Variants in DLGAP2 observed in about 807,000 individuals in gnomAD.
DLGAP2 encodes the protein disks large-associated protein 2.
DLGAP2 carries 26 observed loss-of-function variants against 100.3 expected under a neutral mutation model. That is an observed-to-expected ratio of 0.26 (90% CI 0.19 to 0.36). DLGAP2 has a LOEUF of 0.36. DLGAP2 is among the 10% of genes least tolerant of loss of function. The probability of loss-of-function intolerance (pLI) is 1.00; values close to 1 mark genes in which losing one functional copy is unlikely to be tolerated. For synonymous variants in DLGAP2, 886 were observed against 630.1 expected (o/e 1.41, Z -6.08); for missense variants, 1,858 against 1,453.2 (o/e 1.28, Z -4.53).
intron 1 of DLGAP2, among the ~76,000 whole-genome samples, chr8:861,313 A>G (rs1198187265): frequency 6.6e-6 from 1 of 152,174 alleles, no homozygotes; most frequent in Non-Finnish European, 1.5e-5. Flanking sequence ...CCCTTTTTAT[A>G]TAAGGGACTT....
intron 3 of DLGAP2, among the ~76,000 whole-genome samples, chr8:1,460,100 G>T (rs528925178): frequency 1.8e-4 from 28 of 152,332 alleles, no homozygotes; most frequent in African/African-American, 6.5e-4. Flanking sequence ...CAGGAAGGAC[G>T]CTGGCATGTG....
At chr8:958,893 A>G (rs1799658069) in intron 2 of DLGAP2, among the ~76,000 whole-genome samples, 1 of 152,214 alleles carries the variant, frequency 6.6e-6, no homozygotes, top group African/African-American at 2.4e-5. Flanking sequence ...AAACTATGCA[A>G]TGAGAACATA....
At chr8:1,252,618 G>T (rs866475370) in intron 2 of DLGAP2, among the ~76,000 whole-genome samples, 1 of 152,278 alleles carries the variant, frequency 6.6e-6, no homozygotes, top group African/African-American at 2.4e-5. Flanking sequence ...ATGAGTGAGT[G>T]CCTATTCACA....
intron 2 of DLGAP2, among the ~76,000 whole-genome samples, chr8:1,119,583 G>A (rs1289092854): frequency 6.6e-6 from 1 of 152,188 alleles, no homozygotes; most frequent in Non-Finnish European, 1.5e-5. Flanking sequence ...GAGGCTTCTG[G>A]GTGCCGTGCC....
intron 1 of DLGAP2, among the ~76,000 whole-genome samples, chr8:738,257 C>T (rs367752944): frequency 2.2e-4 from 33 of 151,648 alleles, no homozygotes; most frequent in African/African-American, 7.5e-4. Context: ...CTGCATCCCC[C>T]TCCCCCCAAG....
chr8:1,463,974 C>T (rs1426271909), intron 3 of DLGAP2, among the ~76,000 whole-genome samples: 4 of 152,178 alleles, frequency 2.6e-5, no homozygotes, highest in Non-Finnish European at 5.9e-5. Flanking sequence ...AGGCACATAA[C>T]AACTGAGGAA....
chr8:954,744 A>G (rs896763102), intron 2 of DLGAP2, among the ~76,000 whole-genome samples: 3 of 152,174 alleles, frequency 2.0e-5, no homozygotes, highest in Admixed American at 1.3e-4. Flanking sequence ...AAAATGCATG[A>G]CACTGGTTAG....
In DLGAP2 at chr8:958,828, A is replaced by G. The variant is rs11998233; in HGVS notation, c.73+50862A>G. On this transcript the variant is annotated intron_variant, in intron 2 of 14. Coordinates refer to ENST00000637795, the MANE Select transcript of DLGAP2 (RefSeq NM_001346810.2). ...GACTTAGAATGGGAGCAGGATCTAC[A>G]GGAAAAGATTTGATGATGGGACAGG... is the stretch of plus-strand genomic sequence containing the variant. 5.7e-3 allele frequency among the ~76,000 whole-genome samples: 873 copies of G among 152,342 alleles called. 10 individuals carry two copies. Among genetic ancestry groups the G allele is most frequent in the African/African-American group, 0.019 (784 of 41,582 alleles).
At chr8:800,441 G>T (rs1158263288) in intron 1 of DLGAP2, among the ~76,000 whole-genome samples, 1 of 152,210 alleles carries the variant, frequency 6.6e-6, no homozygotes, top group African/African-American at 2.4e-5. Flanking sequence ...AACACCAGGG[G>T]CCCAGCCCTG....
At chr8:838,182 A>C (rs1459238540) in intron 1 of DLGAP2, among the ~76,000 whole-genome samples, 1 of 152,112 alleles carries the variant, frequency 6.6e-6, no homozygotes, top group Non-Finnish European at 1.5e-5. Flanking sequence ...GGATGCTGGC[A>C]TCGTACTTCT....
intron 2 of DLGAP2, among the ~76,000 whole-genome samples, chr8:1,163,960 A>G (rs971007613): frequency 1.3e-5 from 2 of 152,176 alleles, no homozygotes; most frequent in Non-Finnish European, 1.5e-5. Flanking sequence ...GCCGCCTGCC[A>G]GGCCTCCTAG....
intron 2 of DLGAP2, among the ~76,000 whole-genome samples, chr8:1,174,297 C>G (rs1453848486): frequency 6.6e-6 from 1 of 151,170 alleles, no homozygotes; most frequent in African/African-American, 2.4e-5. Flanking sequence ...ACCATCATCA[C>G]CACCGTCATT....
intron 1 of DLGAP2, among the ~76,000 whole-genome samples, chr8:787,925 C>G (rs576699489): frequency 1.3e-5 from 2 of 152,312 alleles, no homozygotes; most frequent in Admixed American, 6.5e-5. Flanking sequence ...AACCACCTTG[C>G]TCACGTATGG....
chr8:1,346,392 C>T lies in DLGAP2; in HGVS notation c.106+87509C>T, dbSNP rs143315339. ...GAGTTTGAGTTCCCATACAGAGCTG[C>T]ATTGCACTCACGGTAGCTGTGTGGA... On this transcript the variant is annotated intron_variant, in intron 3 of 14. Coordinates refer to ENST00000637795, the MANE Select transcript of DLGAP2 (RefSeq NM_001346810.2). 8.5e-3 allele frequency among the ~76,000 whole-genome samples: 1,285 copies of T among 151,688 alleles called. 16 individuals carry two copies. The highest frequency in any genetic ancestry group is 0.03 in the African/African-American group (1,227 of 41,230).
At chr8:1,217,322 T>C (rs1798234476) in intron 2 of DLGAP2, among the ~76,000 whole-genome samples, 1 of 152,192 alleles carries the variant, frequency 6.6e-6, no homozygotes. Flanking sequence ...TATTCCATCA[T>C]GCATATGCAC....
At chr8:1,127,303 C>T (rs947874172) in intron 2 of DLGAP2, among the ~76,000 whole-genome samples, 3 of 151,938 alleles carry the variant, frequency 2.0e-5, no homozygotes. Flanking sequence ...CCCCCATTCT[C>T]TTCCTGAGTG....
chr8:822,535 G>T (rs112929904), intron 1 of DLGAP2, among the ~76,000 whole-genome samples: 1 of 152,220 alleles, frequency 6.6e-6, no homozygotes, highest in Non-Finnish European at 1.5e-5. Flanking sequence ...AGAAATTCGG[G>T]AGGCCTGACA....
At position 1,125,703 on chromosome 8, in the gene DLGAP2, T is replaced by C. The variant is rs559771525; in HGVS notation, c.74-133148T>C. ...TTACTAATGAGCTTTGATTTATTTGTGCATTTCAGACTCGCAAGGTTTTAC... is the reference window on the plus strand; with the variant it reads ...TTACTAATGAGCTTTGATTTATTTGCGCATTTCAGACTCGCAAGGTTTTAC... On this transcript the variant is annotated intron_variant, in intron 2 of 14. Coordinates refer to ENST00000637795, the MANE Select transcript of DLGAP2 (RefSeq NM_001346810.2). 1.8e-4 allele frequency among the ~76,000 whole-genome samples: 27 copies of C among 152,140 alleles called. No individual in the cohort carries two copies. In the South Asian group the frequency reaches 3.3e-3, roughly 19 times the overall value.
chr8:1,580,983 A>C (rs1319469548), intron 6 of DLGAP2, among the ~76,000 whole-genome samples: 2 of 151,802 alleles, frequency 1.3e-5, no homozygotes, highest in Non-Finnish European at 2.9e-5. Context: ...AAACTACCAG[A>C]AGTGAAGGAT....
Sources: gnomAD v4.1 joint callset for allele counts (sites outside exome capture counted in the v4.1 genomes callset) on GRCh38, gnomAD v4.1.1 for gene constraint, MANE v1.5 for transcripts, NCBI Gene and HGNC (gene_info 2026-07-23, HGNC 2026-07-21) for gene names.